The following NEBL variants were observed in gnomAD, a reference collection of about 807,000 sequenced individuals.
The protein encoded by NEBL is LIM and SH3 protein 2.
NEBL carries 122 observed loss-of-function variants against 140.2 expected under a neutral mutation model. The ratio of observed to expected loss-of-function variants is 0.87; its 90% CI spans 0.75 to 1.01. NEBL has a LOEUF of 1.01. Among genes scored for constraint, NEBL ranks in the 50% least tolerant of loss-of-function variants. NEBL has a pLI of 0.00. For synonymous variants in NEBL, 436 were observed against 398.9 expected (o/e 1.09, Z -1.11); for missense variants, 1,365 against 1,231.3 (o/e 1.11, Z -1.62).
In NEBL at chr10:20,886,306, T is replaced by A. The variant is rs1265724065; in HGVS notation, c.369+1791A>T. Among the ~76,000 whole-genome samples the A allele has an allele frequency of 2.6e-5, 4 of 152,022 alleles. No homozygotes were observed. The East Asian group carries it at 7.7e-4, about 29-fold the overall frequency. ...GGGAGTCTGAGGTGGGCAGATCGCCTGAGGTCAGGAGTTCAAGACCAGCCT... is the reference window on the plus strand; with the variant it reads ...GGGAGTCTGAGGTGGGCAGATCGCCAGAGGTCAGGAGTTCAAGACCAGCCT... On this transcript the variant is annotated intron_variant, in intron 4 of 27. Transcript: ENST00000377122.
intron 5 of NEBL, among the ~76,000 whole-genome samples, chr10:20,870,185 G>A (rs1588888033): frequency 6.6e-6 from 1 of 151,750 alleles, no homozygotes; most frequent in African/African-American, 2.4e-5. Context: ...AAATTATCTG[G>A]GCATGGTGTG....
Position 20,814,576 on chromosome 10 carries a change from C to T in NEBL, c.2242-533G>A, listed in dbSNP as rs561162435. On this transcript the variant is annotated intron_variant, in intron 22 of 27. Transcript: ENST00000377122. ...ATGATTGTGCTATTGCATTCCAGCC[C>T]GGGCAACAGAGACTGTGTCTCAAAC... Among the ~76,000 whole-genome samples the T allele has an allele frequency of 8.6e-5, 13 of 150,556 alleles. No individual in the cohort carries two copies. The East Asian group carries it at 2.5e-3, about 29-fold the overall frequency.
chr10:21,107,732 T>C (rs551116489), intron 2 of NEBL, among the ~76,000 whole-genome samples: 6 of 152,206 alleles, frequency 3.9e-5, no homozygotes, highest in Admixed American at 3.9e-4. Flanking sequence ...GAAATAGTTT[T>C]GGAAGGAATG....
chr10:21,002,735 G>C (rs1043369642), intron 3 of NEBL, among the ~76,000 whole-genome samples: 6 of 152,080 alleles, frequency 3.9e-5, no homozygotes, highest in Non-Finnish European at 7.4e-5. Context: ...TAAACAACCA[G>C]ATCTCGGGAG....
chr10:20,917,910 A>G (rs905305324), intron 4 of NEBL, among the ~76,000 whole-genome samples: 4 of 152,246 alleles, frequency 2.6e-5, no homozygotes, highest in Non-Finnish European at 5.9e-5. Context: ...GAAAGATGAT[A>G]TTATAAATAA....
intron 2 of NEBL, among the ~76,000 whole-genome samples, chr10:21,032,219 A>G (rs1326156849): frequency 1.3e-5 from 2 of 152,200 alleles, no homozygotes; most frequent in Non-Finnish European, 2.9e-5. Flanking sequence ...GAGAATCACC[A>G]TTTAATAGGT....
chr10:20,968,998 C>A (rs544533464), intron 3 of NEBL, among the ~76,000 whole-genome samples: 4 of 152,284 alleles, frequency 2.6e-5, no homozygotes, highest in African/African-American at 9.6e-5. Context: ...TCTCTCACTG[C>A]ACTTTGTTTG....
intron 3 of NEBL, among the ~76,000 whole-genome samples, chr10:21,220,355 T>A (rs2132244401): frequency 6.6e-6 from 1 of 152,294 alleles, no homozygotes; most frequent in Middle Eastern, 3.4e-3. Flanking sequence ...ACTATTATGA[T>A]CAATTGATCT....
At chr10:20,917,054 A>T (rs1833334764) in intron 4 of NEBL, among the ~76,000 whole-genome samples, 1 of 152,214 alleles carries the variant, frequency 6.6e-6, no homozygotes. Flanking sequence ...AAAAAAATAC[A>T]TTCTGTGCAT....
chr10:21,024,206 T>C (rs538021196), intron 2 of NEBL, among the ~76,000 whole-genome samples: 12 of 152,338 alleles, frequency 7.9e-5, no homozygotes, highest in African/African-American at 2.9e-4. Context: ...TAACAATGCT[T>C]TGTACTTTTT....
At chr10:21,281,594 T>G (rs1051780017) in intron 1 of NEBL, among the ~76,000 whole-genome samples, 1 of 151,904 alleles carries the variant, frequency 6.6e-6, no homozygotes, top group Non-Finnish European at 1.5e-5. Context: ...CACACATTCA[T>G]CCTCCCCACC....
At chr10:20,943,160 T>C (rs944418235) in intron 4 of NEBL, among the ~76,000 whole-genome samples, 3 of 152,212 alleles carry the variant, frequency 2.0e-5, no homozygotes, top group Admixed American at 6.5e-5. Context: ...TGCGGCACTA[T>C]TCACAATAGC....
At chr10:21,255,611 C>T (rs1464695853) in intron 1 of NEBL, among the ~76,000 whole-genome samples, 2 of 152,276 alleles carry the variant, frequency 1.3e-5, no homozygotes, top group Non-Finnish European at 2.9e-5. Flanking sequence ...ACAACATCAT[C>T]GTAGGAAATT....
chr10:21,282,824 T>G (rs1843008990), intron 1 of NEBL, among the ~76,000 whole-genome samples: 1 of 152,050 alleles, frequency 6.6e-6, no homozygotes. Context: ...ATATTGCTGA[T>G]TAAAAAAAGG....
intron 2 of NEBL, among the ~76,000 whole-genome samples, chr10:21,114,725 A>G (rs1225048273): frequency 6.6e-6 from 1 of 151,928 alleles, no homozygotes; most frequent in African/African-American, 2.4e-5. Flanking sequence ...CCTTTCTTTG[A>G]TTAACGCTGG....
At chr10:21,163,015 T>A (rs141236502) in intron 2 of NEBL, among the ~76,000 whole-genome samples, 2 of 152,364 alleles carry the variant, frequency 1.3e-5, no homozygotes, top group East Asian at 3.9e-4. Context: ...GATATTCCAA[T>A]GAATCCTTAA....
chr10:21,195,950 A>C (rs1033314909), intron 3 of NEBL, among the ~76,000 whole-genome samples: 1 of 152,090 alleles, frequency 6.6e-6, no homozygotes, highest in African/African-American at 2.4e-5. Flanking sequence ...AAACCCTCCA[A>C]AGAGTTTTGT....
chr10:20,939,681 A>G (rs1261810066), intron 4 of NEBL, among the ~76,000 whole-genome samples: 1 of 152,096 alleles, frequency 6.6e-6, no homozygotes, highest in Non-Finnish European at 1.5e-5. Context: ...TGCTGTATTC[A>G]GGAAACCCAT....
intron 2 of NEBL, among the ~76,000 whole-genome samples, chr10:21,133,833 A>G (rs970823351): frequency 6.6e-6 from 1 of 152,068 alleles, no homozygotes; most frequent in Non-Finnish European, 1.5e-5. Flanking sequence ...AACCTTAAGG[A>G]GCTTAGGAAC....
Sources: allele counts gnomAD v4.1 joint callset (sites outside exome capture counted in the v4.1 genomes callset), GRCh38; gene constraint gnomAD v4.1.1; transcripts MANE v1.5; gene names NCBI Gene and HGNC (gene_info 2026-07-23, HGNC 2026-07-21).